The following GPHN variants were observed in gnomAD, a reference collection of about 807,000 sequenced individuals.
GPHN encodes gephyrin.
GPHN carries 17 observed loss-of-function variants against 95.5 expected under a neutral mutation model. That is an observed-to-expected ratio of 0.18 (90% confidence interval 0.12 to 0.27). GPHN has a LOEUF of 0.27. Ranked by LOEUF, GPHN falls within the 10% of genes least tolerant of loss-of-function variation. The pLI is 1.00. For missense variants in GPHN, 660 were observed against 978.1 expected, an observed-to-expected ratio of 0.67 and a Z score of 4.34; for synonymous variants, 320 against 322.5, an observed-to-expected ratio of 0.99 and a Z score of 0.08.
intron 4 of GPHN, among the ~76,000 whole-genome samples, chr14:66,872,642 C>A (rs1462219217): frequency 6.6e-6 from 1 of 152,040 alleles, no homozygotes; most frequent in Non-Finnish European, 1.5e-5. Flanking sequence ...TGCCTGTAAT[C>A]CCAGTACTTT....
chr14:66,694,382 G>A (rs2153409708), intron 2 of GPHN, among the ~76,000 whole-genome samples: 1 of 152,242 alleles, frequency 6.6e-6, no homozygotes, highest in South Asian at 2.1e-4. Context: ...CCCAGTCCAT[G>A]GTATTTTTTA....
the GPHN span, among the ~76,000 whole-genome samples, chr14:67,661,278 C>CAAAAAAA: frequency 5.3e-5 from 3 of 56,444 alleles, no homozygotes; most frequent in East Asian, 6.6e-4. Flanking sequence ...AGGGCTAGAG[C>CAAAAAAA]AAAAAAAAAA....
intron 4 of GPHN, among the ~76,000 whole-genome samples, chr14:66,865,423 A>G (rs2063187811): frequency 6.6e-6 from 1 of 152,126 alleles, no homozygotes; most frequent in South Asian, 2.1e-4. Flanking sequence ...TTTAAACTAA[A>G]TTATTCAAAG....
the GPHN span, among the ~76,000 whole-genome samples, chr14:67,695,472 G>A: frequency 2.0e-5 from 3 of 152,238 alleles, no homozygotes; most frequent in Non-Finnish European, 4.4e-5. Context: ...CTGGCACCCA[G>A]GACAGCTGGA....
At chr14:67,208,049 G>A in the GPHN span, 100 of 697,494 alleles carry the variant, frequency 1.4e-4, no homozygotes, top group Non-Finnish European at 1.7e-4. Flanking sequence ...CCCAATGGTC[G>A]TGCCATTCTA....
chr14:66,980,916 G>T (rs896079815), intron 9 of GPHN, among the ~76,000 whole-genome samples: 2 of 152,172 alleles, frequency 1.3e-5, no homozygotes, highest in Non-Finnish European at 1.5e-5. Flanking sequence ...TGGGTGTGTG[G>T]TGCATGCCTG....
At chr14:67,178,153 G>A (rs1363577978) in intron 21 of GPHN, among the ~76,000 whole-genome samples, 1 of 152,168 alleles carries the variant, frequency 6.6e-6, no homozygotes, top group African/African-American at 2.4e-5. Flanking sequence ...TTTCCTCATA[G>A]CATCAATGAT....
At chr14:67,415,379 C>T in the GPHN span, among the ~76,000 whole-genome samples, 15,753 of 151,754 alleles carry the variant, frequency 0.1, 1,662 homozygotes, top group African/African-American at 0.27. Flanking sequence ...TTAATCATTC[C>T]CATGTAGGTT....
chr14:66,866,062 C>T (rs549422252), intron 4 of GPHN, among the ~76,000 whole-genome samples: 1 of 152,252 alleles, frequency 6.6e-6, no homozygotes, highest in South Asian at 2.1e-4. Flanking sequence ...CCAGTAGATA[C>T]AACCAGTTTC....
intron 1 of GPHN, among the ~76,000 whole-genome samples, chr14:66,569,183 G>A (rs193091612): frequency 6.6e-6 from 1 of 152,274 alleles, no homozygotes; most frequent in Admixed American, 6.5e-5. Flanking sequence ...TACCAAATCT[G>A]TTTTTCATGC....
At chr14:67,559,511 G>A in the GPHN span, 1 of 761,892 alleles carries the variant, frequency 1.3e-6, no homozygotes, top group Non-Finnish European at 2.3e-6. Context: ...CGAGGTCAGT[G>A]GCACGCACAC....
the GPHN span, among the ~76,000 whole-genome samples, chr14:67,597,121 A>C: frequency 1.3e-5 from 2 of 152,252 alleles, no homozygotes; most frequent in Non-Finnish European, 2.9e-5. Context: ...TGTAGAAAGA[A>C]AGAAAAGAAT....
chr14:67,516,875 G>A, the GPHN span, among the ~76,000 whole-genome samples: 4 of 152,194 alleles, frequency 2.6e-5, no homozygotes, highest in East Asian at 7.7e-4. Flanking sequence ...GAGGTAGACA[G>A]CCACGTGCTA....
At chr14:66,617,408 C>T (rs1292353890) in intron 1 of GPHN, among the ~76,000 whole-genome samples, 1 of 131,630 alleles carries the variant, frequency 7.6e-6, no homozygotes, top group Non-Finnish European at 1.5e-5. Context: ...CCACGGTTTC[C>T]CCAGCTGGGT....
intron 2 of GPHN, among the ~76,000 whole-genome samples, chr14:66,718,562 T>C (rs2070419128): frequency 6.6e-6 from 1 of 152,180 alleles, no homozygotes; most frequent in Admixed American, 6.5e-5. Context: ...CCAGCTTTTA[T>C]TCCCTTAGTT....
the GPHN span, among the ~76,000 whole-genome samples, chr14:67,495,195 G>T: frequency 1.3e-5 from 2 of 152,184 alleles, no homozygotes; most frequent in African/African-American, 4.8e-5. Flanking sequence ...GTCTCCACTG[G>T]GCACAAAAAT....
the GPHN span, among the ~76,000 whole-genome samples, chr14:67,514,675 C>T: frequency 6.6e-6 from 1 of 152,150 alleles, no homozygotes; most frequent in Non-Finnish European, 1.5e-5. Flanking sequence ...ACTGTCACCC[C>T]CCTCCACCCT....
chr14:67,413,820 A>G, the GPHN span, among the ~76,000 whole-genome samples: 2,328 of 152,320 alleles, frequency 0.015, 24 homozygotes, highest in Middle Eastern at 0.034. Flanking sequence ...CACCTTCTGA[A>G]GCCAGGCCTG....
the GPHN span, chr14:67,381,517 C>A: frequency 9.0e-7 from 1 of 1,107,608 alleles, no homozygotes; most frequent in Non-Finnish European, 1.4e-6. Flanking sequence ...AATATATCTG[C>A]CACGTGTTTG....
Sources: allele counts gnomAD v4.1 joint callset (sites outside exome capture counted in the v4.1 genomes callset), GRCh38; gene constraint gnomAD v4.1.1; transcripts MANE v1.5; gene names NCBI Gene and HGNC (gene_info 2026-07-23, HGNC 2026-07-21).